The following GALNT7 variants were observed in gnomAD, a reference collection of about 807,000 sequenced individuals.
The protein encoded by GALNT7 is polypeptide N-acetylgalactosaminyltransferase 7.
GALNT7 carries 60 observed loss-of-function variants against 82.1 expected under a neutral mutation model. The observed-to-expected ratio is 0.73, with a 90% CI of 0.59 to 0.91. The LOEUF (loss-of-function observed/expected upper bound fraction) is 0.91. GALNT7 is among the 40% of genes least tolerant of loss of function. The pLI is 0.00. For missense variants in GALNT7, 660 were observed against 804.2 expected, an observed-to-expected ratio of 0.82 and a Z score of 2.17; for synonymous variants, 243 against 275.1, an observed-to-expected ratio of 0.88 and a Z score of 1.15.
intron 1 of GALNT7, among the ~76,000 whole-genome samples, chr4:173,218,079 A>G (rs1362444951): frequency 1.3e-5 from 2 of 151,762 alleles, no homozygotes; most frequent in African/African-American, 4.9e-5. Flanking sequence ...GTAGGGAGAC[A>G]GATTAAATTT....
At chr4:173,303,019 A>G (rs149617425) in intron 7 of GALNT7, among the ~76,000 whole-genome samples, 4,449 of 152,216 alleles carry the variant, frequency 0.029, 94 homozygotes, top group South Asian at 0.069. Context: ...ACATGGTGAA[A>G]CCCCATCTCT....
chr4:173,313,905 T>C (rs563646760), intron 8 of GALNT7, 53 bp from the exon 9 acceptor site: 1 of 834,662 alleles, frequency 1.2e-6, no homozygotes, highest in Non-Finnish European at 1.8e-6. Flanking sequence ...CTGTTTATGA[T>C]ATGACATTTG....
chr4:173,316,717 T>A (rs1370629186), intron 9 of GALNT7: 2 of 152,258 alleles, frequency 1.3e-5, no homozygotes, highest in African/African-American at 4.8e-5. Flanking sequence ...TATCTTCAGT[T>A]TAACCTCTTC....
chr4:173,225,992 T>C (rs1016277016), intron 1 of GALNT7, among the ~76,000 whole-genome samples: 2 of 152,138 alleles, frequency 1.3e-5, no homozygotes, highest in Non-Finnish European at 2.9e-5. Context: ...TACCTCTGCA[T>C]TGACCCATCG....
chr4:173,244,037 A>G (rs1734527597), intron 1 of GALNT7, among the ~76,000 whole-genome samples: 1 of 152,178 alleles, frequency 6.6e-6, no homozygotes, highest in Non-Finnish European at 1.5e-5. Context: ...ACTTTCACAG[A>G]ACTTACAGTC....
At chr4:173,196,543 T>G (rs1732784522) in intron 1 of GALNT7, among the ~76,000 whole-genome samples, 1 of 152,204 alleles carries the variant, frequency 6.6e-6, no homozygotes, top group African/African-American at 2.4e-5. Context: ...CGTGAAGTTT[T>G]TTTTCTTCAA....
intron 1 of GALNT7, among the ~76,000 whole-genome samples, chr4:173,201,625 T>C (rs569457936): frequency 6.6e-6 from 1 of 152,210 alleles, no homozygotes; most frequent in African/African-American, 2.4e-5. Flanking sequence ...GTATTAACAT[T>C]AATGAAAATG....
chr4:173,276,200 C>G (rs1185317086), intron 2 of GALNT7, among the ~76,000 whole-genome samples: 2 of 152,046 alleles, frequency 1.3e-5, no homozygotes, highest in African/African-American at 2.4e-5. Flanking sequence ...GGAGTAGTCC[C>G]AGGAAAATTT....
rs753752399 is a variant in GALNT7, at chr4:173,322,454, A to G, written c.*737A>G. On this transcript the variant is annotated 3_prime_UTR_variant, in exon 12 of 12. Coordinates refer to ENST00000265000, the MANE Select transcript of GALNT7 (RefSeq NM_017423.3). ...ATGGAACATCCCAAGGCTGTCCCAT[A>G]GGGTTGGAAGTTGTGTAGCATTCAC... The G allele has an allele frequency of 6.6e-6, 1 of 152,326 alleles. No homozygotes were observed. The highest frequency in any genetic ancestry group is 1.5e-5 in the Non-Finnish European group (1 of 68,024). 9.4% of individuals were successfully genotyped at this position (152,326 alleles called of 1,614,324 possible).
chr4:173,297,088 A>C (rs777020241), intron 5 of GALNT7, among the ~76,000 whole-genome samples: 1 of 152,206 alleles, frequency 6.6e-6, no homozygotes, highest in East Asian at 1.9e-4. Flanking sequence ...TTGTAATGTC[A>C]CTTTGACATC....
intron 1 of GALNT7, among the ~76,000 whole-genome samples, chr4:173,187,261 A>C (rs550380697): frequency 1.3e-5 from 2 of 151,886 alleles, no homozygotes; most frequent in Non-Finnish European, 2.9e-5. Flanking sequence ...AACTCTGTGG[A>C]TTGCTTTTTT....
chr4:173,244,670 T>A (rs1441762818), intron 1 of GALNT7, among the ~76,000 whole-genome samples: 1 of 152,218 alleles, frequency 6.6e-6, no homozygotes, highest in Non-Finnish European at 1.5e-5. Context: ...GTGTTTACCA[T>A]CATCACTATT....
intron 1 of GALNT7, among the ~76,000 whole-genome samples, chr4:173,243,530 C>T (rs1734502228): frequency 1.3e-5 from 2 of 152,198 alleles, no homozygotes; most frequent in South Asian, 4.1e-4. Context: ...GATTCTCATT[C>T]ACTCTCAGAA....
chr4:173,308,170 A>G (rs1348990092), intron 8 of GALNT7, among the ~76,000 whole-genome samples: 2 of 151,852 alleles, frequency 1.3e-5, no homozygotes, highest in Non-Finnish European at 2.9e-5. Flanking sequence ...TGGGCCCTGG[A>G]GCTCTCTCTG....
At chr4:173,171,293 C>T (rs1362303847) in intron 1 of GALNT7, among the ~76,000 whole-genome samples, 1 of 152,202 alleles carries the variant, frequency 6.6e-6, no homozygotes, top group Admixed American at 6.5e-5. Context: ...TCTCCTCCCC[C>T]TTGTGGTTCT....
intron 1 of GALNT7, among the ~76,000 whole-genome samples, chr4:173,246,087 C>G (rs1156878404): frequency 6.6e-6 from 1 of 152,218 alleles, no homozygotes; most frequent in African/African-American, 2.4e-5. Flanking sequence ...AGATGTCTGT[C>G]TAACTCAACT....
intron 1 of GALNT7, among the ~76,000 whole-genome samples, chr4:173,174,416 T>C (rs1239795837): frequency 6.6e-6 from 1 of 152,248 alleles, no homozygotes; most frequent in African/African-American, 2.4e-5. Flanking sequence ...GGTGCTAATT[T>C]TATGGAAGGC....
chr4:173,306,450 G>A (rs1250931940), intron 8 of GALNT7, among the ~76,000 whole-genome samples: 2 of 152,166 alleles, frequency 1.3e-5, no homozygotes, highest in Non-Finnish European at 2.9e-5. Flanking sequence ...GTTCTTAATT[G>A]TAGAGGAAGA....
rs115059679 is a variant in GALNT7 at position 173,232,636 on chromosome 4, A to G, written c.127-15344A>G. ...TTTTTGTAAAGATGGGGGTCTCTCT[A>G]TGCTGCCGAGGCATGTCTCAAACTC... is the stretch of plus-strand genomic sequence containing the variant. On this transcript the variant is annotated intron_variant, in intron 1 of 11. Transcript: ENST00000265000. Among the ~76,000 whole-genome samples the G allele has an allele frequency of 7.9e-3, 1,208 of 152,076 alleles. 17 individuals are homozygous for G. The highest frequency in any genetic ancestry group is 0.027 in the African/African-American group (1,122 of 41,480).
Sources: allele counts gnomAD v4.1 joint callset (sites outside exome capture counted in the v4.1 genomes callset), GRCh38; gene constraint gnomAD v4.1.1; transcripts MANE v1.5; gene names NCBI Gene and HGNC (gene_info 2026-07-23, HGNC 2026-07-21).